Variants in CFAP61 observed in about 807,000 individuals in gnomAD.
The protein encoded by CFAP61 is cilia and flagella associated protein 61.
Under a neutral mutation model 135.6 loss-of-function variants are expected in CFAP61, and 107 were observed. The observed-to-expected ratio is 0.79, with a 90% CI of 0.67 to 0.93. The LOEUF is 0.93. Among genes scored for constraint, CFAP61 ranks in the 40% least tolerant of loss-of-function variants. The pLI, the probability that CFAP61 is intolerant of heterozygous loss-of-function variation, is 0.00. For missense variants in CFAP61, 1,507 were observed against 1,556.2 expected (o/e 0.97, Z 0.53); for synonymous variants, 575 against 578.5 (o/e 0.99, Z 0.09).
chr20:20,139,643 G>A (rs747908283), intron 8 of CFAP61, among the ~76,000 whole-genome samples: 1 of 152,150 alleles, frequency 6.6e-6, no homozygotes, highest in African/African-American at 2.4e-5. Context: ...TGGAGAGAGA[G>A]ATCCAGCTTC....
Position 20,166,400 on chromosome 20 carries a change from G to A in CFAP61, c.1209G>A (p.Ser403=), listed in dbSNP as rs760661756. ...GTGCTTACTGTCTTGTTTACAGGTC[G>A]CTGGATTTTATGAATTTTGTTTTCA... ...FCIDEKYEAR[S]LDFMNFVFSL... is the part of the protein sequence containing the mutation. The change falls in exon 12 of 27, where the codon TCG becomes TCA. Residue 403 remains serine, a synonymous_variant. Coordinates refer to ENST00000245957, the MANE Select transcript of CFAP61 (RefSeq NM_015585.4). 19 of 1,613,518 alleles carry A rather than the reference G, an allele frequency of 1.2e-5. No individual in the cohort carries two copies. In the East Asian group the frequency reaches 2.5e-4, roughly 21 times the overall value.
rs1569293643 is a variant in CFAP61 at position 20,320,453 on chromosome 20, TATATATGTAATATATA to T, written c.3423-21345_3423-21330del. ...GTAATATAATATATGTAATATATATTATATATGTAATATATAATATATGTAATATATAATATATGTA... is the reference window on the plus strand; with the variant it reads ...GTAATATAATATATGTAATATATATTATATATGTAATATATAATATATGTA... On this transcript the variant is annotated intron_variant, in intron 25 of 26. Transcript: ENST00000245957. Among the ~76,000 whole-genome samples, 9 of 91,216 alleles carry T rather than the reference TATATATGTAATATATA, an allele frequency of 9.9e-5. 2 individuals are homozygous for T. The highest frequency in any genetic ancestry group is 6.0e-4 in the South Asian group (2 of 3,324). 59.8% of individuals were successfully genotyped at this position (91,216 alleles called of 152,430 possible).
intron 18 of CFAP61, among the ~76,000 whole-genome samples, chr20:20,245,414 G>C (rs142750743): frequency 0.014 from 2,153 of 152,306 alleles, 38 homozygotes; most frequent in Middle Eastern, 0.085. Context: ...AGCAGGCAAA[G>C]AGAGAGCTTG....
chr20:20,099,578 C>CGG lies in CFAP61; in HGVS notation c.859+773_859+774dup, dbSNP rs59967144. On this transcript the variant is annotated intron_variant, in intron 8 of 26. Transcript: ENST00000245957. ...GGGCATAATAGTAATACCTCCCACA[C>CGG]GGGGGGGGGGTTGTGAAGTTTCACT... Among the ~76,000 whole-genome samples, 466 of 150,622 alleles carry CGG rather than the reference C, an allele frequency of 3.1e-3. 11 individuals are homozygous for CGG. The East Asian group carries it at 0.035, about 11-fold the overall frequency.
At position 20,292,519 on chromosome 20, in the gene CFAP61, C is replaced by T. The variant is rs76902110; in HGVS notation, c.3216+2128C>T. Among the ~76,000 whole-genome samples, 1,362 of 152,308 alleles carry T rather than the reference C, an allele frequency of 8.9e-3. 47 individuals are homozygous for T. Among genetic ancestry groups the T allele is most frequent in the East Asian group, 0.077 (398 of 5,170 alleles). On this transcript the variant is annotated intron_variant, in intron 24 of 26. Transcript: ENST00000245957. ...AGATCCTGTGAGTCAGGAATTTGGA[C>T]AGGGCACAGTGGGCACAGATTGTCT...
intron 2 of CFAP61, among the ~76,000 whole-genome samples, chr20:20,070,056 A>C (rs546145919): frequency 6.6e-6 from 1 of 152,324 alleles, no homozygotes; most frequent in East Asian, 1.9e-4. Context: ...TGCTGCCTTT[A>C]AGTGCCTTTA....
intron 24 of CFAP61, among the ~76,000 whole-genome samples, chr20:20,295,431 C>G (rs889302007): frequency 6.6e-6 from 1 of 152,134 alleles, no homozygotes; most frequent in African/African-American, 2.4e-5. Flanking sequence ...TGCGTCCTCT[C>G]CCAGACAGCA....
At chr20:20,142,592 TCCA>T (rs2051496866) in intron 8 of CFAP61, among the ~76,000 whole-genome samples, 1 of 152,118 alleles carries the variant, frequency 6.6e-6, no homozygotes, top group African/African-American at 2.4e-5. Context: ...TCTTCCCATC[TCCA>T]CAACTCCCCT....
intron 8 of CFAP61, among the ~76,000 whole-genome samples, chr20:20,130,504 T>C (rs1255790119): frequency 1.3e-5 from 2 of 151,846 alleles, no homozygotes; most frequent in African/African-American, 4.9e-5. Flanking sequence ...GTTGAAGTTA[T>C]TTGTTCCATT....
chr20:20,069,602 A>G (rs1346173668), intron 2 of CFAP61: 2 of 371,764 alleles, frequency 5.4e-6, no homozygotes, highest in Non-Finnish European at 5.3e-6. Flanking sequence ...AAAACACACG[A>G]TGTACATTTC....
In CFAP61 at chr20:20,338,839, G is replaced by A. The variant is rs183196115; in HGVS notation, c.3423-2992G>A. On this transcript the variant is annotated intron_variant, in intron 25 of 26. Transcript: ENST00000245957. ...GCAGGCAAGGATGACCTCTGGAGAC[G>A]TCTAGTCAATTGCTTAATGATCGGA... Among the ~76,000 whole-genome samples, 581 of 152,328 alleles carry A rather than the reference G, an allele frequency of 3.8e-3. 2 individuals carry two copies. Among genetic ancestry groups the A allele is most frequent in the Admixed American group, 6.2e-3 (95 of 15,308 alleles).
intron 21 of CFAP61, 67 bp from the exon 22 acceptor site, chr20:20,277,099 T>C (rs940194340): frequency 7.8e-7 from 1 of 1,280,136 alleles, no homozygotes; most frequent in Admixed American, 2.0e-5. Flanking sequence ...TTCGGCATTA[T>C]TAGCATTTGA....
intron 8 of CFAP61, among the ~76,000 whole-genome samples, chr20:20,127,580 G>T (rs1170676052): frequency 6.6e-6 from 1 of 151,304 alleles, no homozygotes; most frequent in African/African-American, 2.5e-5. Context: ...ACCATCTGTG[G>T]GTCTCTCAGC....
At chr20:20,264,093 G>C (rs2052493308) in intron 21 of CFAP61, among the ~76,000 whole-genome samples, 1 of 152,098 alleles carries the variant, frequency 6.6e-6, no homozygotes, top group African/African-American at 2.4e-5. Context: ...ACTGCATTAA[G>C]AAGTTACTAA....
At chr20:20,231,520 T>A (rs2049134171) in intron 18 of CFAP61, among the ~76,000 whole-genome samples, 1 of 152,114 alleles carries the variant, frequency 6.6e-6, no homozygotes, top group Admixed American at 6.5e-5. Flanking sequence ...CCCTCAGCCC[T>A]GCGGGAGACC....
At chr20:20,205,594 T>C (rs1369141769) in intron 17 of CFAP61, among the ~76,000 whole-genome samples, 1 of 152,212 alleles carries the variant, frequency 6.6e-6, no homozygotes, top group Non-Finnish European at 1.5e-5. Context: ...CACAGACGAT[T>C]GCATTTCTCC....
intron 22 of CFAP61, among the ~76,000 whole-genome samples, chr20:20,286,916 G>T (rs2054625185): frequency 6.6e-6 from 1 of 152,118 alleles, no homozygotes; most frequent in South Asian, 2.1e-4. Flanking sequence ...AAGAAAATTG[G>T]GTAGGTAGAA....
chr20:20,341,787 A>T, intron 25 of CFAP61, 44 bp from the exon 26 acceptor site: 1 of 1,378,342 alleles, frequency 7.3e-7, no homozygotes, highest in Non-Finnish European at 1.0e-6. Context: ...ATTAGTGGTA[A>T]TGAGAGGGTT....
intron 8 of CFAP61, among the ~76,000 whole-genome samples, chr20:20,105,737 T>C (rs183393683): frequency 6.6e-6 from 1 of 151,766 alleles, no homozygotes; most frequent in Admixed American, 6.5e-5. Context: ...GTTCACACCA[T>C]TCTCCTGCCT....
Sources: gnomAD v4.1 joint callset for allele counts (sites outside exome capture counted in the v4.1 genomes callset) on GRCh38, gnomAD v4.1.1 for gene constraint, MANE v1.5 for transcripts, NCBI Gene and HGNC (gene_info 2026-07-23, HGNC 2026-07-21) for gene names.